Variants in PTPRC observed in about 807,000 individuals in gnomAD.
PTPRC encodes protein tyrosine phosphatase receptor type C.
Under a neutral mutation model 155.9 loss-of-function variants are expected in PTPRC, and 44 were observed. That is an observed-to-expected ratio of 0.28 (90% CI 0.22 to 0.36). PTPRC has a LOEUF of 0.36. Among genes scored for constraint, PTPRC ranks in the 10% least tolerant of loss-of-function variants. The pLI is 1.00. For missense variants in PTPRC, 1,401 were observed against 1,564.6 expected (o/e 0.90, Z 1.76); for synonymous variants, 525 against 533.1 (o/e 0.98, Z 0.21).
chr1:198,676,313 G>T (rs1185942134), intron 2 of PTPRC, among the ~76,000 whole-genome samples: 1 of 152,144 alleles, frequency 6.6e-6, no homozygotes, highest in Non-Finnish European at 1.5e-5. Context: ...TCAACAGGAG[G>T]AATAGTAAAT....
At chr1:198,718,818 C>T (rs6696003) in intron 14 of PTPRC, among the ~76,000 whole-genome samples, 91,665 of 151,832 alleles carry the variant, frequency 0.6, 28,033 homozygotes, top group African/African-American at 0.66. Context: ...TTTATATGCA[C>T]TTAACACGTA....
rs1466773780 is a variant in PTPRC at position 198,718,231 on chromosome 1, A to C, written c.1588A>C (p.Arg530=). The C allele has an allele frequency of 6.2e-7, 1 of 1,614,170 alleles. No individual in the cohort carries two copies. The highest frequency in any genetic ancestry group is 1.7e-5 in the Admixed American group (1 of 60,034). Reference sequence around the variant, plus strand: ...AGTTGAAGCTGGAAATACTCTGGTTAGAAATGAGTCGCATAAGAATTGCGA... The same window carrying C: ...AGTTGAAGCTGGAAATACTCTGGTTCGAAATGAGTCGCATAAGAATTGCGA... ...LEVEAGNTLV[R]NESHKNCDFR... Residue 530 remains arginine (R), a synonymous_variant, in exon 14 of 33, where the codon AGA becomes CGA. Transcript: ENST00000442510.
intron 18 of PTPRC, among the ~76,000 whole-genome samples, chr1:198,732,088 G>T (rs149292319): frequency 6.6e-6 from 1 of 151,718 alleles, no homozygotes; most frequent in African/African-American, 2.4e-5. Flanking sequence ...CAAGAGATTT[G>T]TTCTGAAAGT....
At chr1:198,708,919 G>T (rs759988266) in intron 10 of PTPRC, among the ~76,000 whole-genome samples, 1 of 152,178 alleles carries the variant, frequency 6.6e-6, no homozygotes, top group Non-Finnish European at 1.5e-5. Context: ...GTGTGCATGC[G>T]CATGCACGCA....
chr1:198,698,404 T>C (rs1425736429), intron 4 of PTPRC, among the ~76,000 whole-genome samples: 1 of 152,224 alleles, frequency 6.6e-6, no homozygotes, highest in East Asian at 1.9e-4. Context: ...AGGTGATACT[T>C]CAATTATCTA....
chr1:198,754,594 ATAAGTC>A, intron 32 of PTPRC, 190 bp downstream of exon 32: 1 of 674,078 alleles, frequency 1.5e-6, no homozygotes, highest in Non-Finnish European at 2.4e-6. Context: ...TTAAATTATT[ATAAGTC>A]TAAATAAGAG....
rs1478247271 is a variant in PTPRC, at chr1:198,756,267, A to G, written c.*86A>G. The G allele has an allele frequency of 1.9e-5, 29 of 1,512,264 alleles. No homozygotes were observed. The South Asian group carries it at 2.8e-4, about 15-fold the overall frequency. The allele number at this position is 1,512,264 out of a possible 1,614,324, so 93.7% of individuals were successfully genotyped here. A position where few individuals can be genotyped will look rare whatever the true frequency, so the allele number is the denominator to read the frequency against. On this transcript the variant is annotated 3_prime_UTR_variant, in exon 33 of 33. Coordinates refer to ENST00000442510, the MANE Select transcript of PTPRC (RefSeq NM_002838.5). Reference sequence around the variant, plus strand: ...AAGTAGGAAGTGAAAATAGGTATACAGTGGATTAATTAAATGCAGCGAACC... The same window carrying G: ...AAGTAGGAAGTGAAAATAGGTATACGGTGGATTAATTAAATGCAGCGAACC...
intron 2 of PTPRC, among the ~76,000 whole-genome samples, chr1:198,684,727 G>T (rs1299937404): frequency 6.6e-6 from 1 of 151,868 alleles, no homozygotes; most frequent in East Asian, 1.9e-4. Context: ...ATCTTGAGAT[G>T]TTGCTTTTTA....
intron 2 of PTPRC, among the ~76,000 whole-genome samples, chr1:198,645,949 T>C (rs557500636): frequency 6.6e-6 from 1 of 151,866 alleles, no homozygotes; most frequent in Admixed American, 6.6e-5. Flanking sequence ...AGGATAATCT[T>C]TGTAAAAGGC....
intron 18 of PTPRC, among the ~76,000 whole-genome samples, chr1:198,732,067 T>C (rs1368459135): frequency 6.6e-6 from 1 of 151,966 alleles, no homozygotes; most frequent in African/African-American, 2.4e-5. Context: ...AATCCTAAAT[T>C]TGTCCCCACT....
At chr1:198,698,679 A>G (rs1272739163) in intron 4 of PTPRC, among the ~76,000 whole-genome samples, 1 of 151,938 alleles carries the variant, frequency 6.6e-6, no homozygotes, top group Non-Finnish European at 1.5e-5. Context: ...TTCAATATAG[A>G]TGGGTATGTG....
At chr1:198,708,794 A>C (rs905587126) in intron 10 of PTPRC, among the ~76,000 whole-genome samples, 1 of 151,442 alleles carries the variant, frequency 6.6e-6, no homozygotes, top group Non-Finnish European at 1.5e-5. Context: ...GAGGCAACTA[A>C]TAATTGAGAT....
intron 2 of PTPRC, among the ~76,000 whole-genome samples, chr1:198,639,951 T>C (rs184262410): frequency 1.3e-5 from 2 of 152,180 alleles, no homozygotes; most frequent in Non-Finnish European, 1.5e-5. Context: ...TTCTTGTTAA[T>C]AGTTTTAATA....
intron 2 of PTPRC, among the ~76,000 whole-genome samples, chr1:198,641,827 T>C (rs142795568): frequency 6.6e-6 from 1 of 152,148 alleles, no homozygotes; most frequent in Non-Finnish European, 1.5e-5. Flanking sequence ...GTCATAACAG[T>C]TAAGACTCAT....
chr1:198,723,112 CATAT>C (rs3033891), intron 15 of PTPRC, among the ~76,000 whole-genome samples: 1 of 144,090 alleles, frequency 6.9e-6, no homozygotes, highest in Non-Finnish European at 1.5e-5. Flanking sequence ...TAGTTTCCTT[CATAT>C]ATATATATAT....
Position 198,744,194 on chromosome 1 carries a change from T to A in PTPRC, c.2838T>A (p.Ala946=). The change falls in exon 26 of 33, where the codon GCT becomes GCA. Residue 946 remains alanine (A), a synonymous_variant. Coordinates refer to ENST00000442510, the MANE Select transcript of PTPRC (RefSeq NM_002838.5). ...CCAGTGAGCCGTCTCCACTAGAGGC[T>A]GAATTCCAGGTAATGATAGTGACAA... ...DPPSEPSPLE[A]EFQRLPSYRS... 1 of 1,604,046 alleles carries A rather than the reference T, an allele frequency of 6.2e-7. No homozygotes were observed.
rs372577260 is a variant in PTPRC at position 198,722,502 on chromosome 1, A to T, written c.1720+26A>T. The T allele has an allele frequency of 9.3e-6, 12 of 1,292,374 alleles. No individual in the cohort carries two copies. The African/African-American group carries it at 1.8e-4, about 20-fold the overall frequency. The allele number at this position is 1,292,374 out of a possible 1,614,324, so 80.1% of individuals were successfully genotyped here. Reference sequence around the variant, plus strand: ...GTAAGTTATCACTGGGCTATTTATTATATATATTAAGATATATATTAATGC... The same window carrying T: ...GTAAGTTATCACTGGGCTATTTATTTTATATATTAAGATATATATTAATGC... On this transcript the variant is annotated intron_variant, in intron 15 of 32. Coordinates refer to ENST00000442510, the MANE Select transcript of PTPRC (RefSeq NM_002838.5).
intron 2 of PTPRC, among the ~76,000 whole-genome samples, chr1:198,686,984 C>T (rs1265596270): frequency 7.0e-6 from 1 of 143,714 alleles, no homozygotes; most frequent in Non-Finnish European, 1.5e-5. Flanking sequence ...ATATGTTATA[C>T]AACCAATCTT....
At chr1:198,657,923 A>G (rs1319232544) in intron 2 of PTPRC, 1 of 152,176 alleles carries the variant, frequency 6.6e-6, no homozygotes, top group Non-Finnish European at 1.5e-5. Flanking sequence ...ACAGACAAAA[A>G]TAGTATAATT....
Sources: gnomAD v4.1 joint callset for allele counts (sites outside exome capture counted in the v4.1 genomes callset) on GRCh38, gnomAD v4.1.1 for gene constraint, MANE v1.5 for transcripts, NCBI Gene and HGNC (gene_info 2026-07-23, HGNC 2026-07-21) for gene names.